Variants in NAALADL2 observed in about 807,000 individuals in gnomAD.
NAALADL2 encodes N-acetylated alpha-linked acidic dipeptidase like 2, also known as inactive N-acetylated-alpha-linked acidic dipeptidase-like protein 2.
In NAALADL2, 76 loss-of-function variants were observed where a neutral mutation model predicts 87.2. That is an observed-to-expected ratio of 0.87 (90% CI 0.72 to 1.05). The LOEUF (loss-of-function observed/expected upper bound fraction) is 1.05. Among genes scored for constraint, NAALADL2 ranks in the 50% least tolerant of loss-of-function variants. The pLI is 0.00. For missense variants in NAALADL2, 1,089 were observed against 945.8 expected, an observed-to-expected ratio of 1.15 and a Z score of -1.99; for synonymous variants, 354 against 331.0, an observed-to-expected ratio of 1.07 and a Z score of -0.75.
intron 1 of NAALADL2, among the ~76,000 whole-genome samples, chr3:174,532,495 A>G (rs1473977): frequency 0.83 from 126,485 of 152,050 alleles, 52,748 homozygotes; most frequent in African/African-American, 0.87. Flanking sequence ...TTTAGGAGGA[A>G]CTGTCCTACT....
In NAALADL2 at chr3:175,498,980, C is replaced by T. The variant is rs180831418; in HGVS notation, c.1653+27222C>T. Among the ~76,000 whole-genome samples the T allele has an allele frequency of 2.6e-5, 4 of 152,212 alleles. No homozygotes were observed. The East Asian group carries it at 7.7e-4, about 29-fold the overall frequency. ...ACCTTTATTTTCAGTTATTATACTA[C>T]TTAAATTTACCATGCTATGAATTTC... is the stretch of plus-strand genomic sequence containing the variant. On this transcript the variant is annotated intron_variant, in intron 9 of 13. Transcript: ENST00000454872.
rs1023437582 is a variant in NAALADL2, at chr3:174,863,815, T to C, written c.43+4365T>C. ...AGTATGTGACTCTTCCTTCCCAGCC[T>C]ACAGAACTTTAATAGCATTTTCAAT... On this transcript the variant is annotated intron_variant, in intron 1 of 13. Coordinates refer to ENST00000454872, the MANE Select transcript of NAALADL2 (RefSeq NM_207015.3). The C allele has an allele frequency of 1.4e-5, 4 of 284,664 alleles. No individual in the cohort carries two copies. The East Asian group carries it at 3.4e-4, about 25-fold the overall frequency. 17.6% of individuals were successfully genotyped at this position (284,664 alleles called of 1,614,324 possible).
intron 13 of NAALADL2, among the ~76,000 whole-genome samples, 168 bp from the exon 14 acceptor site, chr3:175,802,837 A>G (rs926540934): frequency 2.0e-5 from 3 of 152,046 alleles, no homozygotes; most frequent in East Asian, 1.9e-4. Context: ...TTGGTGATCA[A>G]TGTCTAAATT....
At chr3:175,029,064 TAA>T (rs1393049919) in intron 1 of NAALADL2, among the ~76,000 whole-genome samples, 141 of 148,368 alleles carry the variant, frequency 9.5e-4, no homozygotes, top group African/African-American at 3.3e-3. Context: ...TATATATATA[TAA>T]AAAACTCAAA....
chr3:175,257,425 A>G lies in NAALADL2; in HGVS notation c.939+895A>G, dbSNP rs1361506106. Reference sequence around the variant, plus strand: ...TCTTATCCTTAAATCAGTGTTTAATAGTAGATTAGATGGGCCAGAATTTTA... The same window carrying G: ...TCTTATCCTTAAATCAGTGTTTAATGGTAGATTAGATGGGCCAGAATTTTA... On this transcript the variant is annotated intron_variant, in intron 4 of 13. Coordinates refer to ENST00000454872, the MANE Select transcript of NAALADL2 (RefSeq NM_207015.3). Among the ~76,000 whole-genome samples, 29 of 151,826 alleles carry G rather than the reference A, an allele frequency of 1.9e-4. 1 individual carries two copies. The highest frequency in any genetic ancestry group is 1.8e-3 in the Admixed American group (28 of 15,240).
chr3:175,395,376 G>A (rs1769644483), intron 5 of NAALADL2, among the ~76,000 whole-genome samples: 5 of 152,130 alleles, frequency 3.3e-5, no homozygotes, highest in Admixed American at 3.3e-4. Context: ...TGGATAAGGG[G>A]AGCCCACTGT....
At chr3:175,330,357 T>A (rs1215247369) in intron 5 of NAALADL2, among the ~76,000 whole-genome samples, 1 of 151,990 alleles carries the variant, frequency 6.6e-6, no homozygotes, top group Non-Finnish European at 1.5e-5. Flanking sequence ...GGTGGGAGGA[T>A]CACTTGAGCC....
At chr3:174,930,900 G>A (rs1050085394) in intron 1 of NAALADL2, among the ~76,000 whole-genome samples, 1 of 151,870 alleles carries the variant, frequency 6.6e-6, no homozygotes, top group African/African-American at 2.4e-5. Context: ...GGGATTACAG[G>A]CATGAGCCAC....
rs149018213 is a variant in NAALADL2 at position 174,489,943 on chromosome 3, T to G, written c.-184+48911T>G. Reference sequence around the variant, plus strand: ...TTGTAGAGAAATGGGAACGCTTCTATGTAGAGAGGGGAATATAAACTGGTC... The same window carrying G: ...TTGTAGAGAAATGGGAACGCTTCTAGGTAGAGAGGGGAATATAAACTGGTC... On this transcript the variant is annotated intron_variant, in intron 1 of 3. Transcript: ENST00000434257. Among the ~76,000 whole-genome samples, 71 of 152,206 alleles carry G rather than the reference T, an allele frequency of 4.7e-4. 1 individual carries two copies. In the East Asian group the frequency reaches 9.7e-3, roughly 21 times the overall value.
chr3:175,588,507 A>G (rs1007468649), intron 10 of NAALADL2, among the ~76,000 whole-genome samples: 4 of 143,926 alleles, frequency 2.8e-5, no homozygotes, highest in Admixed American at 2.1e-4. Flanking sequence ...AAAGAGCTCA[A>G]TTTAGGAGAC....
At chr3:174,778,452 A>AAAT (rs75861180) in intron 3 of NAALADL2, among the ~76,000 whole-genome samples, 43,251 of 151,720 alleles carry the variant, frequency 0.29, 6,237 homozygotes, top group Middle Eastern at 0.34. Flanking sequence ...GCTACTCTGC[A>AAAT]CCAGGTTTGG....
chr3:175,386,775 C>T (rs1213141912), intron 5 of NAALADL2, among the ~76,000 whole-genome samples: 4 of 152,218 alleles, frequency 2.6e-5, no homozygotes, highest in African/African-American at 7.2e-5. Context: ...TTGTCTAGCA[C>T]GTCTTATGCT....
chr3:175,302,606 G>T (rs541809561), intron 4 of NAALADL2, among the ~76,000 whole-genome samples: 2 of 151,960 alleles, frequency 1.3e-5, no homozygotes, highest in Non-Finnish European at 2.9e-5. Flanking sequence ...TAAATATGCT[G>T]TATTACTAAA....
intron 2 of NAALADL2, among the ~76,000 whole-genome samples, chr3:175,231,178 A>G (rs1581026860): frequency 6.6e-6 from 1 of 152,168 alleles, no homozygotes; most frequent in South Asian, 2.1e-4. Flanking sequence ...ATATAAACCT[A>G]TTAAAAAAAG....
intron 9 of NAALADL2, among the ~76,000 whole-genome samples, chr3:175,489,993 TG>T (rs1727822960): frequency 6.6e-6 from 1 of 152,174 alleles, no homozygotes; most frequent in Non-Finnish European, 1.5e-5. Context: ...CCAGATGATA[TG>T]GGTAGATTGT....
At chr3:175,513,629 G>A (rs1041235083) in intron 9 of NAALADL2, among the ~76,000 whole-genome samples, 1 of 152,150 alleles carries the variant, frequency 6.6e-6, no homozygotes, top group Non-Finnish European at 1.5e-5. Context: ...ATATGTAAAA[G>A]ACTGTACATA....
At chr3:175,367,338 T>C (rs1457703915) in intron 5 of NAALADL2, among the ~76,000 whole-genome samples, 1 of 147,488 alleles carries the variant, frequency 6.8e-6, no homozygotes, top group Non-Finnish European at 1.5e-5. Context: ...GACTTGGCGA[T>C]GCGGGCTCTT....
chr3:174,911,167 A>AGTAT (rs1733651482), intron 1 of NAALADL2, among the ~76,000 whole-genome samples: 2 of 152,066 alleles, frequency 1.3e-5, no homozygotes, highest in South Asian at 4.1e-4. Flanking sequence ...GGTGGTCTGG[A>AGTAT]GTATGCTTTT....
At chr3:174,687,799 G>T (rs747922704) in intron 2 of NAALADL2, among the ~76,000 whole-genome samples, 56 of 152,072 alleles carry the variant, frequency 3.7e-4, no homozygotes, top group Admixed American at 8.5e-4. Flanking sequence ...TGAATCGTGG[G>T]GGCAGTTTCC....
Sources: gnomAD v4.1 joint callset for allele counts (sites outside exome capture counted in the v4.1 genomes callset) on GRCh38, gnomAD v4.1.1 for gene constraint, MANE v1.5 for transcripts, NCBI Gene and HGNC (gene_info 2026-07-23, HGNC 2026-07-21) for gene names.